The following RC3H2 variants were observed in gnomAD, a reference collection of about 807,000 sequenced individuals.
The protein encoded by RC3H2 is roquin-2.
A neutral mutation model predicts 133.3 loss-of-function variants in RC3H2; 31 were observed. The ratio of observed to expected loss-of-function variants is 0.23; its 90% CI spans 0.17 to 0.31. The LOEUF (loss-of-function observed/expected upper bound fraction) is 0.31. Among genes scored for constraint, RC3H2 ranks in the 10% least tolerant of loss-of-function variants. The pLI is 1.00. For synonymous variants in RC3H2, 517 were observed against 502.2 expected (o/e 1.03, Z -0.40); for missense variants, 1,175 against 1,437.2 (o/e 0.82, Z 2.95).
chr9:122,862,657 G>A (rs1830500881), intron 10 of RC3H2, among the ~76,000 whole-genome samples: 1 of 152,148 alleles, frequency 6.6e-6, no homozygotes, highest in Non-Finnish European at 1.5e-5. Context: ...CCTTTTGGGA[G>A]GCCAAGGCGG....
At position 122,879,887 on chromosome 9, in the gene RC3H2, C is replaced by T; in HGVS notation, c.1094-14G>A. On this transcript the variant is annotated splice_polypyrimidine_tract_variant and intron_variant, in intron 7 of 20. Coordinates refer to ENST00000357244, the MANE Select transcript of RC3H2 (RefSeq NM_001100588.3). ...GTGAAACAGCGTCTAAAATAAGCCA[C>T]CAAGGGCATGGGGGTTGGGGGGGAA... The T allele has an allele frequency of 6.2e-7, 1 of 1,613,038 alleles. No individual in the cohort carries two copies. The highest frequency in any genetic ancestry group is 8.5e-7 in the Non-Finnish European group (1 of 1,179,174).
chr9:122,901,750 C>T (rs1447008234), intron 1 of RC3H2, among the ~76,000 whole-genome samples: 1 of 150,406 alleles, frequency 6.6e-6, no homozygotes, highest in Admixed American at 6.6e-5. Context: ...CACCACCATG[C>T]CCGGTTAATT....
intron 1 of RC3H2, among the ~76,000 whole-genome samples, chr9:122,904,189 AAAGG>A (rs1832754935): frequency 6.6e-6 from 1 of 152,236 alleles, no homozygotes; most frequent in Non-Finnish European, 1.5e-5. Context: ...GAAATGAAAA[AAAGG>A]AAGGCCGTGG....
chr9:122,858,606 TG>T, intron 12 of RC3H2, 62 bp downstream of exon 12: 2 of 1,378,136 alleles, frequency 1.5e-6, no homozygotes, highest in Non-Finnish European at 2.0e-6. Flanking sequence ...GATATATACC[TG>T]GGTGGTTTGA....
At position 122,855,381 on chromosome 9, in the gene RC3H2, T is replaced by C. The variant is rs1455717629; in HGVS notation, c.2618A>G (p.Asp873Gly). Residue 873 changes from aspartate to glycine, a missense_variant, in exon 15 of 21, where the codon GAT becomes GGT. Asp to Gly is a moderately conservative substitution (Grantham distance 94, BLOSUM62 -1). Coordinates refer to ENST00000357244, the MANE Select transcript of RC3H2 (RefSeq NM_001100588.3). ...NAVLMDLDSGDVKRRVHLFET... is the reference protein window; with the variant it reads ...NAVLMDLDSGGVKRRVHLFET... Reference sequence around the variant, plus strand: ...AAATAAATGTACTCTTCTCTTAACATCACCACTGTCCAGGTCCTATGTAAA... The same window carrying C: ...AAATAAATGTACTCTTCTCTTAACACCACCACTGTCCAGGTCCTATGTAAA... The C allele has an allele frequency of 6.2e-7, 1 of 1,613,230 alleles. No homozygotes were observed. Among genetic ancestry groups the C allele is most frequent in the African/African-American group, 1.3e-5 (1 of 75,018 alleles).
chr9:122,852,769 C>T (rs1394429988), intron 18 of RC3H2, among the ~76,000 whole-genome samples: 1 of 150,618 alleles, frequency 6.6e-6, no homozygotes, highest in African/African-American at 2.4e-5. Context: ...GGGGGGTCAG[C>T]CCCCCGCCTG....
intron 2 of RC3H2, among the ~76,000 whole-genome samples, chr9:122,894,482 G>A (rs1021727258): frequency 6.6e-6 from 1 of 152,042 alleles, no homozygotes; most frequent in African/African-American, 2.4e-5. Flanking sequence ...AAATTATAGA[G>A]CAAAGATAAG....
intron 2 of RC3H2, among the ~76,000 whole-genome samples, chr9:122,896,936 G>C (rs938028445): frequency 2.8e-5 from 4 of 145,406 alleles, no homozygotes; most frequent in Admixed American, 1.4e-4. Context: ...TGAAGCAGGA[G>C]AATCGCTTGA....
At chr9:122,852,249 C>T (rs1374257892) in intron 18 of RC3H2, among the ~76,000 whole-genome samples, 2 of 147,014 alleles carry the variant, frequency 1.4e-5, no homozygotes, top group Non-Finnish European at 3.0e-5. Context: ...AGTGAGGAGA[C>T]CCTCCGCCCG....
At chr9:122,851,476 C>G (rs776891338) in intron 18 of RC3H2, 40 bp from the exon 19 acceptor site, 2 of 1,593,564 alleles carry the variant, frequency 1.3e-6, no homozygotes, top group Non-Finnish European at 1.7e-6. Context: ...CTCCCTCTCC[C>G]TCTCCCCATG....
At chr9:122,870,380 A>G (rs527751171) in intron 9 of RC3H2, among the ~76,000 whole-genome samples, 568 of 2,370 alleles carry the variant, frequency 0.24, 5 homozygotes, top group African/African-American at 0.26. Context: ...GTCTCCAAAA[A>G]CAAACAAACA....
intron 2 of RC3H2, among the ~76,000 whole-genome samples, chr9:122,894,084 C>G (rs1372388764): frequency 6.6e-6 from 1 of 151,970 alleles, no homozygotes; most frequent in Non-Finnish European, 1.5e-5. Context: ...ACGGTGAAAC[C>G]CTGTATCTAC....
At chr9:122,885,960 T>G (rs1417089922) in intron 4 of RC3H2, among the ~76,000 whole-genome samples, 1 of 152,242 alleles carries the variant, frequency 6.6e-6, no homozygotes, top group Non-Finnish European at 1.5e-5. Flanking sequence ...CGATCTTCGC[T>G]CACTGCAACC....
In RC3H2 at chr9:122,866,559, C is replaced by A. The variant is rs541410939; in HGVS notation, c.1326-902G>T. On this transcript the variant is annotated intron_variant, in intron 9 of 20. Transcript: ENST00000357244. ...GCCTGCGATTGCAGGCGCGCGCCGC[C>A]ACGCCTGACTGGTTTTCTTATTTTT... Among the ~76,000 whole-genome samples the A allele has an allele frequency of 9.8e-3, 1,495 of 152,130 alleles. 30 individuals carry two copies. The highest frequency in any genetic ancestry group is 0.034 in the African/African-American group (1,416 of 41,472).
chr9:122,893,113 T>G, intron 2 of RC3H2, 87 bp from the exon 3 acceptor site: 1 of 1,497,174 alleles, frequency 6.7e-7, no homozygotes, highest in Non-Finnish European at 8.9e-7. Context: ...ATAATCTTGG[T>G]GAGTATAAAA....
chr9:122,866,679 T>C (rs1830689230), intron 9 of RC3H2, among the ~76,000 whole-genome samples: 1 of 152,080 alleles, frequency 6.6e-6, no homozygotes, highest in Non-Finnish European at 1.5e-5. Flanking sequence ...GGTGCCGGGA[T>C]TGCAGACGAT....
At chr9:122,880,931 A>C in intron 5 of RC3H2, 137 bp from the exon 6 acceptor site, 1 of 644,466 alleles carries the variant, frequency 1.6e-6, no homozygotes. Flanking sequence ...AGATAAGATA[A>C]TGTCCTGACC....
chr9:122,873,473 G>T (rs75938130), intron 9 of RC3H2, among the ~76,000 whole-genome samples: 5 of 152,158 alleles, frequency 3.3e-5, no homozygotes, highest in African/African-American at 1.2e-4. Context: ...AGCACTTTGG[G>T]AGGCTGAGGT....
chr9:122,858,825 A>G lies in RC3H2; in HGVS notation c.2127T>C (p.Asp709=), dbSNP rs775865546. 1.2e-5 allele frequency: 20 copies of G among 1,614,166 alleles called. No individual in the cohort carries two copies. The highest frequency in any genetic ancestry group is 1.4e-5 in the Non-Finnish European group (16 of 1,180,054). The change falls in exon 12 of 21, where the codon GAT becomes GAC. Residue 709 remains aspartate (D), a synonymous_variant. Transcript: ENST00000357244. The part of the protein sequence containing the change: ...RIWRPPMYQR[D]DIIRSNSLPP... Reference sequence around the variant, plus strand: ...GTAAAGAATTGCTTCTAATAATGTCATCTCGTTGGTACATAGGTGGGCGCC... The same window carrying G: ...GTAAAGAATTGCTTCTAATAATGTCGTCTCGTTGGTACATAGGTGGGCGCC...
Sources: gnomAD v4.1 joint callset for allele counts (sites outside exome capture counted in the v4.1 genomes callset) on GRCh38, gnomAD v4.1.1 for gene constraint, MANE v1.5 for transcripts, NCBI Gene and HGNC (gene_info 2026-07-23, HGNC 2026-07-21) for gene names.